Variants in MGAT4C observed in about 807,000 individuals in gnomAD.
The protein encoded by MGAT4C is MGAT4 family member C, also known as alpha-1,3-mannosyl-glycoprotein 4-beta-N-acetylglucosaminyltransferase C.
In MGAT4C, 19 loss-of-function variants were observed where a neutral mutation model predicts 40.1. The observed-to-expected ratio is 0.47, with a 90% CI of 0.33 to 0.70. The LOEUF is 0.70. Among genes scored for constraint, MGAT4C ranks in the 30% least tolerant of loss-of-function variants. MGAT4C has a pLI of 0.02. For missense variants in MGAT4C, 491 were observed against 563.2 expected (o/e 0.87, Z 1.30); for synonymous variants, 181 against 187.1 (o/e 0.97, Z 0.27).
intron 4 of MGAT4C, among the ~76,000 whole-genome samples, chr12:86,282,555 G>A (rs79366024): frequency 0.042 from 6,445 of 151,862 alleles, 203 homozygotes; most frequent in Non-Finnish European, 0.065. Context: ...TGGTATACCA[G>A]TCATAGGTAT....
chr12:86,098,692 T>C (rs1018267670), intron 1 of MGAT4C, among the ~76,000 whole-genome samples: 14 of 151,630 alleles, frequency 9.2e-5, no homozygotes, highest in African/African-American at 3.4e-4. Flanking sequence ...AAAATATAAA[T>C]GGAATTTACT....
At chr12:86,024,139 T>A (rs1462230925) in intron 2 of MGAT4C, among the ~76,000 whole-genome samples, 1 of 151,894 alleles carries the variant, frequency 6.6e-6, no homozygotes, top group Non-Finnish European at 1.5e-5. Context: ...TTGTACTTTT[T>A]AAAATATGCA....
intron 2 of MGAT4C, among the ~76,000 whole-genome samples, chr12:86,611,429 T>TGAC (rs1351062493): frequency 1.2e-4 from 18 of 149,434 alleles, no homozygotes; most frequent in Admixed American, 1.0e-3. Context: ...GGTAGATAGA[T>TGAC]AGATGACAGA....
intron 1 of MGAT4C, among the ~76,000 whole-genome samples, chr12:86,202,142 A>G (rs144699824): frequency 6.6e-6 from 1 of 152,244 alleles, no homozygotes; most frequent in East Asian, 1.9e-4. Context: ...CAAGACCTCT[A>G]ATATAATGTT....
chr12:86,076,318 G>A (rs922267345), intron 1 of MGAT4C, among the ~76,000 whole-genome samples: 3 of 152,236 alleles, frequency 2.0e-5, no homozygotes, highest in Non-Finnish European at 2.9e-5. Flanking sequence ...ATTGCAATCA[G>A]CATTTTGGGC....
At position 86,088,950 on chromosome 12, in the gene MGAT4C, T is replaced by G. The variant is rs1872399910; in HGVS notation, c.-56-39227A>C. Among the ~76,000 whole-genome samples the G allele has an allele frequency of 1.3e-5, 2 of 152,068 alleles. 1 individual carries two copies. The highest frequency in any genetic ancestry group is 4.1e-4 in the South Asian group (2 of 4,828). On this transcript the variant is annotated intron_variant, in intron 1 of 4. Transcript: ENST00000611864. ...ATTGTAAGTATTATTGTCTTCTTCT[T>G]ATTTCATCGAGGTGCACTTTAGATT...
intron 1 of MGAT4C, among the ~76,000 whole-genome samples, chr12:86,168,480 T>C (rs1439378302): frequency 6.6e-6 from 1 of 152,052 alleles, no homozygotes; most frequent in Non-Finnish European, 1.5e-5. Context: ...CTATGAACTC[T>C]TCAAAAATGT....
Position 85,959,776 on chromosome 12 carries a change from CTT to C in MGAT4C, c.*19511_*19512del, listed in dbSNP as rs1235811332. 1 of 147,102 alleles carries C rather than the reference CTT, an allele frequency of 6.8e-6. No homozygotes were observed. Among genetic ancestry groups the C allele is most frequent in the Non-Finnish European group, 1.5e-5 (1 of 66,650 alleles). The allele number at this position is 147,102 out of a possible 1,614,324, so 9.1% of individuals were successfully genotyped here. A position where few individuals can be genotyped will look rare whatever the true frequency, so the allele number is the denominator to read the frequency against. ...TTCATTGTTTTCTTCTGGGTTAACT[CTT>C]TTTTATGTTAACTGAATCAATTTTG... On this transcript the variant is annotated 3_prime_UTR_variant, in exon 5 of 5. Transcript: ENST00000611864.
intron 2 of MGAT4C, among the ~76,000 whole-genome samples, chr12:86,465,465 G>A (rs1957666000): frequency 6.6e-6 from 1 of 151,830 alleles, no homozygotes; most frequent in African/African-American, 2.4e-5. Flanking sequence ...GAAAATATTT[G>A]CAAAAGCCAT....
chr12:86,501,456 A>G (rs982055909), intron 2 of MGAT4C, among the ~76,000 whole-genome samples: 1 of 152,010 alleles, frequency 6.6e-6, no homozygotes, highest in Non-Finnish European at 1.5e-5. Flanking sequence ...TAAGCTCAGC[A>G]TGCATTACCT....
intron 2 of MGAT4C, among the ~76,000 whole-genome samples, chr12:86,044,285 A>T (rs1181388380): frequency 6.6e-6 from 1 of 152,158 alleles, no homozygotes; most frequent in East Asian, 1.9e-4. Flanking sequence ...AGTCCATAAC[A>T]ATCCCATGGA....
intron 2 of MGAT4C, among the ~76,000 whole-genome samples, chr12:86,643,130 C>T (rs541164053): frequency 1.1e-4 from 16 of 151,520 alleles, no homozygotes; most frequent in South Asian, 1.0e-3. Context: ...CAAGAGAGCT[C>T]GAGAAATAGC....
chr12:86,147,700 G>A (rs11103869), intron 1 of MGAT4C, among the ~76,000 whole-genome samples: 2 of 152,142 alleles, frequency 1.3e-5, no homozygotes, highest in Non-Finnish European at 2.9e-5. Context: ...AATTGCTATA[G>A]TGTGATGGAT....
At chr12:86,317,836 C>A (rs957738091) in intron 4 of MGAT4C, among the ~76,000 whole-genome samples, 2 of 150,858 alleles carry the variant, frequency 1.3e-5, no homozygotes, top group Non-Finnish European at 2.9e-5. Flanking sequence ...GTCTAACGTG[C>A]CTTTAGCGGA....
chr12:86,220,243 A>C (rs1950829229), intron 1 of MGAT4C, among the ~76,000 whole-genome samples: 1 of 152,182 alleles, frequency 6.6e-6, no homozygotes, highest in Middle Eastern at 3.4e-3. Flanking sequence ...TCCCAAGATC[A>C]TGGAACAGGA....
chr12:86,600,644 G>T (rs1477355042), intron 2 of MGAT4C, among the ~76,000 whole-genome samples: 1 of 152,212 alleles, frequency 6.6e-6, no homozygotes, highest in African/African-American at 2.4e-5. Flanking sequence ...CAGTGGCCCG[G>T]TTGGAGCAGC....
At chr12:86,525,042 G>T (rs886935972) in intron 2 of MGAT4C, among the ~76,000 whole-genome samples, 1 of 152,024 alleles carries the variant, frequency 6.6e-6, no homozygotes, top group African/African-American at 2.4e-5. Context: ...CGATTATATT[G>T]ATATTCTGAA....
chr12:86,327,132 A>G (rs2136169172), intron 4 of MGAT4C, among the ~76,000 whole-genome samples: 1 of 152,254 alleles, frequency 6.6e-6, no homozygotes, highest in South Asian at 2.1e-4. Context: ...CCATTATCTT[A>G]TTATCCTATT....
At chr12:86,433,978 TA>T (rs1957092635) in intron 3 of MGAT4C, among the ~76,000 whole-genome samples, 1 of 152,036 alleles carries the variant, frequency 6.6e-6, no homozygotes, top group African/African-American at 2.4e-5. Flanking sequence ...ACCTAATCAA[TA>T]AATACCTATT....
Sources: gnomAD v4.1 joint callset for allele counts (sites outside exome capture counted in the v4.1 genomes callset) on GRCh38, gnomAD v4.1.1 for gene constraint, MANE v1.5 for transcripts, NCBI Gene and HGNC (gene_info 2026-07-23, HGNC 2026-07-21) for gene names.